Variants in ESYT2 observed in about 807,000 individuals in gnomAD.
ESYT2 encodes the protein extended synaptotagmin-2.
ESYT2 carries 54 observed loss-of-function variants against 107.2 expected under a neutral mutation model. That is an observed-to-expected ratio of 0.50 (90% confidence interval 0.40 to 0.63). ESYT2 has a LOEUF of 0.63. Ranked by LOEUF, ESYT2 falls within the 30% of genes least tolerant of loss-of-function variation. The pLI, the probability that ESYT2 is intolerant of heterozygous loss-of-function variation, is 0.00. For missense variants in ESYT2, 1,020 were observed against 1,094.5 expected (o/e 0.93, Z 0.96); for synonymous variants, 491 against 434.1 (o/e 1.13, Z -1.63).
rs1305027749 is a variant in ESYT2 at position 158,752,083 on chromosome 7, GAATA to G, written c.1482+694_1482+697del. 3.9e-5 allele frequency among the ~76,000 whole-genome samples: 6 copies of G among 152,156 alleles called. No individual in the cohort carries two copies. The South Asian group carries it at 1.2e-3, about 32-fold the overall frequency. On this transcript the variant is annotated intron_variant, in intron 14 of 22. Transcript: ENST00000275418. ...GTTAAAAACAGTTCCTGTTTCTTTAGAATAGATAGAATTTTCTTTAAATAATTTC... is the reference window on the plus strand; with the variant it reads ...GTTAAAAACAGTTCCTGTTTCTTTAGGATAGAATTTTCTTTAAATAATTTC...
At chr7:158,778,601 A>C (rs1838653512) in intron 6 of ESYT2, among the ~76,000 whole-genome samples, 1 of 152,152 alleles carries the variant, frequency 6.6e-6, no homozygotes, top group Non-Finnish European at 1.5e-5. Context: ...CAATCTGAAA[A>C]CCATTTCCAT....
In ESYT2 at chr7:158,749,655, C is replaced by T. The variant is rs763300335; in HGVS notation, c.1551G>A (p.Glu517=). 12 of 1,613,938 alleles carry T rather than the reference C, an allele frequency of 7.4e-6. No homozygotes were observed. Among genetic ancestry groups the T allele is most frequent in the Non-Finnish European group, 1.0e-5 (12 of 1,179,998 alleles). The change falls in exon 15 of 23, where the codon GAG becomes GAA. Residue 517 remains glutamate, a synonymous_variant. Coordinates refer to ENST00000275418, the MANE Select transcript of ESYT2 (RefSeq NM_001367773.1). ...TCCAGGGCGAGCACCTTACCTTGCTCTCCTGGGCCTTGTGCCCAACTGACA... is the reference window on the plus strand; with the variant it reads ...TCCAGGGCGAGCACCTTACCTTGCTTTCCTGGGCCTTGTGCCCAACTGACA... ...VQMSVGHKAQ[E]SKIRYKTNEP...
chr7:158,731,352 A>T lies in ESYT2; in HGVS notation c.*2855T>A. ...AGTCTCACTCTGTTGCCCAGGCTGG[A>T]GTGCAGTGGTGCGATCTTGGCTCAC... On this transcript the variant is annotated 3_prime_UTR_variant, in exon 23 of 23. Coordinates refer to ENST00000275418, the MANE Select transcript of ESYT2 (RefSeq NM_001367773.1). 1.3e-5 allele frequency: 2 copies of T among 152,440 alleles called. No homozygotes were observed. The highest frequency in any genetic ancestry group is 2.9e-5 in the Non-Finnish European group (2 of 68,120). 9.4% of individuals were successfully genotyped at this position (152,440 alleles called of 1,614,324 possible).
chr7:158,770,872 G>A (rs1838342382), intron 7 of ESYT2, among the ~76,000 whole-genome samples: 1 of 152,108 alleles, frequency 6.6e-6, no homozygotes, highest in Non-Finnish European at 1.5e-5. Flanking sequence ...AAGAGAAGCT[G>A]GATGCAGTGG....
intron 13 of ESYT2, among the ~76,000 whole-genome samples, chr7:158,755,497 G>A (rs1837723166): frequency 6.6e-6 from 1 of 152,168 alleles, no homozygotes; most frequent in South Asian, 2.1e-4. Context: ...AAGCAACTTG[G>A]AAAAGCTATT....
intron 6 of ESYT2, among the ~76,000 whole-genome samples, chr7:158,787,505 G>A (rs1209285210): frequency 6.6e-6 from 1 of 152,196 alleles, no homozygotes; most frequent in Non-Finnish European, 1.5e-5. Context: ...AGGGAGAAGA[G>A]GGAGGTTTAC....
rs1354873932 is a variant in ESYT2 at position 158,829,475 on chromosome 7, T to A, written c.-57A>T. 1.7e-6 allele frequency: 2 copies of A among 1,211,688 alleles called. No individual in the cohort carries two copies. The highest frequency in any genetic ancestry group is 2.0e-6 in the Non-Finnish European group (2 of 976,040). The allele number at this position is 1,211,688 out of a possible 1,614,324, so 75.1% of individuals were successfully genotyped here. On this transcript the variant is annotated 5_prime_UTR_variant, in exon 1 of 23. Coordinates refer to ENST00000275418, the MANE Select transcript of ESYT2 (RefSeq NM_001367773.1). ...GAGGCGGGCTGGGTGCTCGCGCTGATCCCGGGCGGCTCAGCCCCGCGCCAG... is the reference window on the plus strand; with the variant it reads ...GAGGCGGGCTGGGTGCTCGCGCTGAACCCGGGCGGCTCAGCCCCGCGCCAG...
chr7:158,767,913 C>T, intron 7 of ESYT2, 139 bp from the exon 8 acceptor site: 1 of 914,760 alleles, frequency 1.1e-6, no homozygotes, highest in Non-Finnish European at 1.5e-6. Context: ...TCCTCCAGTG[C>T]AATATTTACA....
At chr7:158,735,214 G>A (rs1159755242) in intron 21 of ESYT2, among the ~76,000 whole-genome samples, 1 of 152,164 alleles carries the variant, frequency 6.6e-6, no homozygotes, top group African/African-American at 2.4e-5. Flanking sequence ...CATAAATAAA[G>A]CCAAAGAATT....
chr7:158,809,814 A>C (rs1203427118), intron 1 of ESYT2, among the ~76,000 whole-genome samples: 2 of 152,178 alleles, frequency 1.3e-5, no homozygotes, highest in Non-Finnish European at 2.9e-5. Flanking sequence ...AGCTGTTCAA[A>C]CCACATCCAA....
At chr7:158,739,759 T>C (rs1300796709) in intron 18 of ESYT2, among the ~76,000 whole-genome samples, 1 of 151,428 alleles carries the variant, frequency 6.6e-6, no homozygotes, top group South Asian at 2.1e-4. Context: ...AAACACTGAG[T>C]TCCTGACCAC....
intron 13 of ESYT2, among the ~76,000 whole-genome samples, chr7:158,754,392 T>TA (rs1369024125): frequency 1.3e-5 from 2 of 151,900 alleles, no homozygotes; most frequent in African/African-American, 4.8e-5. Context: ...ATTTTTTTTT[T>TA]ACTAGAGATG....
intron 21 of ESYT2, among the ~76,000 whole-genome samples, chr7:158,735,265 G>A (rs952203682): frequency 6.6e-5 from 10 of 152,256 alleles, no homozygotes; most frequent in African/African-American, 2.4e-4. Context: ...AGATGGAATT[G>A]TAAGAGATTA....
rs575935258 is a variant in ESYT2 at position 158,829,207 on chromosome 7, G to C, written c.212C>G (p.Ala71Gly). 10 of 1,530,078 alleles carry C rather than the reference G, an allele frequency of 6.5e-6. No individual in the cohort carries two copies. The African/African-American group carries it at 7.0e-5, about 11-fold the overall frequency. 94.8% of individuals were successfully genotyped at this position (1,530,078 alleles called of 1,614,324 possible). Residue 71 changes from alanine to glycine, a missense_variant, in exon 1 of 23, where the codon GCC (alanine) becomes GGC (glycine). Physicochemically the swap from Ala to Gly is moderately conservative, Grantham distance 60. Coordinates refer to ENST00000275418, the MANE Select transcript of ESYT2 (RefSeq NM_001367773.1). ...SWVLLALALL[A>G]WCRRSRGLKA... ...GAGGCCGCGGCTGCGGCGACACCAGGCGAGCAGCGCGAGCGCGAGGAGAAC... is the reference window on the plus strand; with the variant it reads ...GAGGCCGCGGCTGCGGCGACACCAGCCGAGCAGCGCGAGCGCGAGGAGAAC...
intron 8 of ESYT2, among the ~76,000 whole-genome samples, chr7:158,765,974 C>T (rs907022119): frequency 1.3e-5 from 2 of 151,752 alleles, no homozygotes; most frequent in South Asian, 2.1e-4. Context: ...CCGAGGTGGG[C>T]GGATCATGAG....
intron 8 of ESYT2, among the ~76,000 whole-genome samples, chr7:158,766,547 C>T (rs780452598): frequency 1.3e-5 from 2 of 152,164 alleles, no homozygotes; most frequent in Admixed American, 6.5e-5. Flanking sequence ...AATTTGAGCA[C>T]CAAATTTACT....
chr7:158,773,388 T>C lies in ESYT2; in HGVS notation c.756A>G (p.Glu252=). ...GATTCGTCAGTCCTGTCCAGTTAAT[T>C]TCTAAAAGCTGTTTTAAAACAAGGG... ...SIFFLRKPLL[E]INWTGLTNLL... is the part of the protein sequence containing the mutation. Residue 252 remains glutamate (E), a synonymous_variant, in exon 7 of 23, where the codon GAA becomes GAG. Coordinates refer to ENST00000275418, the MANE Select transcript of ESYT2 (RefSeq NM_001367773.1). 6.2e-7 allele frequency: 1 copy of C among 1,614,118 alleles called. No individual in the cohort carries two copies. The highest frequency in any genetic ancestry group is 8.5e-7 in the Non-Finnish European group (1 of 1,180,012).
Position 158,748,091 on chromosome 7 carries a change from G to T in ESYT2, c.1644+103C>A, listed in dbSNP as rs191693905. On this transcript the variant is annotated intron_variant, in intron 16 of 22. Coordinates refer to ENST00000275418, the MANE Select transcript of ESYT2 (RefSeq NM_001367773.1). ...ATCTACCAATTGTCCTGATTCTGGC[G>T]ATGGATCCCCAGGTGTATACACGGG... 1.5e-5 allele frequency: 15 copies of T among 1,020,536 alleles called. No homozygotes were observed. The East Asian group carries it at 1.8e-4, about 12-fold the overall frequency. The allele number at this position is 1,020,536 out of a possible 1,614,324, so 63.2% of individuals were successfully genotyped here.
chr7:158,803,655 G>A (rs1839710875), intron 1 of ESYT2, among the ~76,000 whole-genome samples: 1 of 152,148 alleles, frequency 6.6e-6, no homozygotes, highest in African/African-American at 2.4e-5. Context: ...GAAAATTTTG[G>A]TTCACACACA....
Sources: allele counts gnomAD v4.1 joint callset (sites outside exome capture counted in the v4.1 genomes callset), GRCh38; gene constraint gnomAD v4.1.1; transcripts MANE v1.5; gene names NCBI Gene and HGNC (gene_info 2026-07-23, HGNC 2026-07-21).